ARHGEF28: variants seen among roughly 807,000 people sequenced by gnomAD.
ARHGEF28 encodes the protein Rho guanine nucleotide exchange factor 28.
Under a neutral mutation model 206.6 loss-of-function variants are expected in ARHGEF28, and 152 were observed. The observed-to-expected ratio is 0.74, with a 90% CI of 0.64 to 0.84. The LOEUF is 0.84. Among genes scored for constraint, ARHGEF28 ranks in the 40% least tolerant of loss-of-function variants. ARHGEF28 has a pLI of 0.00. For missense variants in ARHGEF28, 2,028 were observed against 2,073.2 expected, an observed-to-expected ratio of 0.98 and a Z score of 0.42; for synonymous variants, 763 against 776.4, an observed-to-expected ratio of 0.98 and a Z score of 0.29.
At chr5:73,925,709 C>A (rs549635401) in intron 35 of ARHGEF28, among the ~76,000 whole-genome samples, 2 of 152,112 alleles carry the variant, frequency 1.3e-5, no homozygotes, top group Non-Finnish European at 2.9e-5. Context: ...GAATGGAACA[C>A]TTTGTGCCTT....
At chr5:73,813,323 GCCACTC>G (rs1307827222) in intron 9 of ARHGEF28, among the ~76,000 whole-genome samples, 5 of 152,156 alleles carry the variant, frequency 3.3e-5, no homozygotes, top group African/African-American at 1.2e-4. Flanking sequence ...CAGTGTTTCA[GCCACTC>G]TTAGCTCCCC....
intron 9 of ARHGEF28, among the ~76,000 whole-genome samples, chr5:73,819,443 T>C (rs1438029934): frequency 6.6e-6 from 1 of 152,132 alleles, no homozygotes; most frequent in East Asian, 1.9e-4. Flanking sequence ...TTGGCCTGGG[T>C]TGGGCACATG....
chr5:73,875,468 G>T (rs1483237383), intron 22 of ARHGEF28, among the ~76,000 whole-genome samples: 2 of 147,810 alleles, frequency 1.4e-5, no homozygotes, highest in Admixed American at 6.7e-5. Context: ...CATTGCTTTT[G>T]GTGTTTTAGA....
rs564752967 is a variant in ARHGEF28 at position 73,642,936 on chromosome 5, T to C, written c.-12+16614T>C. ...ATGTAAACTTCAAACTTGTACATTT[T>C]AATGACTTATCCTTTAATACATGTT... On this transcript the variant is annotated intron_variant, in intron 1 of 35. Coordinates refer to ENST00000513042, the MANE Select transcript of ARHGEF28 (RefSeq NM_001177693.2). 3.9e-5 allele frequency among the ~76,000 whole-genome samples: 6 copies of C among 152,354 alleles called. No homozygotes were observed. The South Asian group carries it at 1.2e-3, about 32-fold the overall frequency.
intron 7 of ARHGEF28, among the ~76,000 whole-genome samples, chr5:73,790,371 C>A (rs926727107): frequency 2.0e-5 from 3 of 151,286 alleles, no homozygotes; most frequent in African/African-American, 7.3e-5. Flanking sequence ...TGAAAAAAAA[C>A]CTGTATTTTA....
chr5:73,880,332 C>A (rs1580036711), intron 22 of ARHGEF28, among the ~76,000 whole-genome samples: 2 of 152,212 alleles, frequency 1.3e-5, no homozygotes, highest in East Asian at 1.9e-4. Context: ...CCGTCTGTCA[C>A]CCCTTTCCTT....
intron 1 of ARHGEF28, 139 bp from the exon 2 acceptor site, chr5:73,684,702 C>G: frequency 3.6e-6 from 2 of 556,662 alleles, no homozygotes; most frequent in South Asian, 3.1e-5. Context: ...GTCCTTTATT[C>G]TTTCATATTT....
intron 9 of ARHGEF28, among the ~76,000 whole-genome samples, chr5:73,803,963 T>C (rs116160446): frequency 0.011 from 1,730 of 151,110 alleles, 23 homozygotes; most frequent in African/African-American, 0.04. Context: ...TACATGCCTG[T>C]GGTCCTAGCT....
chr5:73,858,088 CA>C lies in ARHGEF28; in HGVS notation c.1921del (p.Ser641AlafsTer10). On this transcript the variant is annotated frameshift_variant and splice_region_variant, in exon 16 of 36. Coordinates refer to ENST00000513042, the MANE Select transcript of ARHGEF28 (RefSeq NM_001177693.2). LOFTEE classifies it high-confidence loss of function. ...CTACTGCTGCTGCTGCATCTGAAGA[CA>C]AAAAGCAAGGATGCCAAAGATAAAG... ...RMTSPRNKSKTKSKDAKDKEK... is the reference protein window; with the variant it reads ...RMTSPRNKSKXKSKDAKDKEK... 3 of 1,600,900 alleles carry C rather than the reference CA, an allele frequency of 1.9e-6. No individual in the cohort carries two copies. In the South Asian group the frequency reaches 3.4e-5, roughly 18 times the overall value.
At chr5:73,898,157 C>T (rs755631223) in intron 30 of ARHGEF28, 64 bp downstream of exon 30, 66 of 1,559,528 alleles carry the variant, frequency 4.2e-5, no homozygotes, top group South Asian at 3.5e-4. Context: ...ACAGTGGTCA[C>T]GTAAAGTAAA....
intron 9 of ARHGEF28, among the ~76,000 whole-genome samples, chr5:73,831,742 A>G (rs755581672): frequency 6.6e-6 from 1 of 152,252 alleles, no homozygotes; most frequent in Non-Finnish European, 1.5e-5. Context: ...CCTAGTCTGG[A>G]GTGCAATGGC....
chr5:73,909,222 A>G, intron 33 of ARHGEF28, 190 bp from the exon 34 acceptor site: 2 of 690,698 alleles, frequency 2.9e-6, no homozygotes, highest in Non-Finnish European at 4.6e-6. Context: ...TACCCCTAGG[A>G]CAGATGTAGA....
At chr5:73,683,422 T>G (rs988051052) in intron 1 of ARHGEF28, among the ~76,000 whole-genome samples, 1 of 152,144 alleles carries the variant, frequency 6.6e-6, no homozygotes, top group African/African-American at 2.4e-5. Context: ...TCATGTTTGA[T>G]TACTCTAGGT....
intron 35 of ARHGEF28, among the ~76,000 whole-genome samples, chr5:73,931,404 A>T (rs1032426290): frequency 6.6e-6 from 1 of 151,860 alleles, no homozygotes; most frequent in Admixed American, 6.6e-5. Flanking sequence ...GTTCTGGGAG[A>T]TATTCTATTT....
chr5:73,842,705 A>G (rs191413365), intron 11 of ARHGEF28, among the ~76,000 whole-genome samples: 12 of 152,304 alleles, frequency 7.9e-5, no homozygotes, highest in African/African-American at 2.6e-4. Context: ...GTGGCCAGGT[A>G]TGGTGGCTCA....
chr5:73,777,868 C>T (rs1406016598), intron 6 of ARHGEF28, among the ~76,000 whole-genome samples: 2 of 152,066 alleles, frequency 1.3e-5, no homozygotes, highest in African/African-American at 4.8e-5. Context: ...ATCATGAGGT[C>T]AGGAGATCGA....
chr5:73,757,347 T>C lies in ARHGEF28; in HGVS notation c.475+4145T>C, dbSNP rs139528241. On this transcript the variant is annotated intron_variant, in intron 4 of 35. Transcript: ENST00000513042. ...TTATTTTAATGCTCAGTGTTCACTT[T>C]TATTAAAATTTTTTTGTGATTATTT... 2.6e-4 allele frequency among the ~76,000 whole-genome samples: 39 copies of C among 152,356 alleles called. No homozygotes were observed. The East Asian group carries it at 7.1e-3, about 28-fold the overall frequency.
chr5:73,891,983 C>T (rs1761670616), intron 26 of ARHGEF28, 69 bp from the exon 27 acceptor site: 1 of 1,429,370 alleles, frequency 7.0e-7, no homozygotes. Context: ...CTTCCTTTAG[C>T]TCATGTTTTA....
chr5:73,733,522 A>G (rs1471835110), intron 2 of ARHGEF28, among the ~76,000 whole-genome samples: 2 of 152,192 alleles, frequency 1.3e-5, no homozygotes, highest in Admixed American at 6.5e-5. Flanking sequence ...GTCTGTTAGT[A>G]CATTCTTGCA....
Sources: allele counts gnomAD v4.1 joint callset (sites outside exome capture counted in the v4.1 genomes callset), GRCh38; gene constraint gnomAD v4.1.1; transcripts MANE v1.5; gene names NCBI Gene and HGNC (gene_info 2026-07-23, HGNC 2026-07-21).